Variants in TENM3 observed in about 807,000 individuals in gnomAD.
The protein encoded by TENM3 is teneurin-3.
A neutral mutation model predicts 255.1 loss-of-function variants in TENM3; 63 were observed. That is an observed-to-expected ratio of 0.25 (90% CI 0.20 to 0.30). The LOEUF (loss-of-function observed/expected upper bound fraction) is 0.30. Among genes scored for constraint, TENM3 ranks in the 10% least tolerant of loss-of-function variants. TENM3 has a pLI of 1.00. For missense variants in TENM3, 2,929 were observed against 3,461.1 expected (o/e 0.85, Z 3.86); for synonymous variants, 1,306 against 1,322.3 (o/e 0.99, Z 0.27).
At chr4:182,520,054 A>G (rs1238708006) in intron 3 of TENM3, among the ~76,000 whole-genome samples, 1 of 152,162 alleles carries the variant, frequency 6.6e-6, no homozygotes. Context: ...AGCAATTATT[A>G]ATAGGTATGT....
chr4:181,665,872 A>T, the TENM3 span, among the ~76,000 whole-genome samples: 2 of 152,240 alleles, frequency 1.3e-5, no homozygotes, highest in South Asian at 4.1e-4. Context: ...TAAAAATCTT[A>T]AAAATAGATA....
the TENM3 span, among the ~76,000 whole-genome samples, chr4:181,630,908 G>A: frequency 6.6e-6 from 1 of 152,046 alleles, no homozygotes; most frequent in African/African-American, 2.4e-5. Context: ...ATTTTCTATT[G>A]CTGCATAACA....
At chr4:181,884,072 A>C in the TENM3 span, among the ~76,000 whole-genome samples, 1 of 152,156 alleles carries the variant, frequency 6.6e-6, no homozygotes, top group Admixed American at 6.5e-5. Flanking sequence ...CTCATTATTT[A>C]CATGGAACTC....
chr4:181,504,673 C>T, the TENM3 span, among the ~76,000 whole-genome samples: 1 of 152,192 alleles, frequency 6.6e-6, no homozygotes, highest in Non-Finnish European at 1.5e-5. Flanking sequence ...AGGAACCAAA[C>T]TAGCTTGTAT....
the TENM3 span, among the ~76,000 whole-genome samples, chr4:181,813,814 G>C: frequency 1.3e-5 from 2 of 152,122 alleles, no homozygotes; most frequent in African/African-American, 4.8e-5. Context: ...AGGAGAAAAG[G>C]GAAGTAGTCA....
At chr4:181,731,396 C>T in the TENM3 span, among the ~76,000 whole-genome samples, 3,887 of 152,192 alleles carry the variant, frequency 0.026, 68 homozygotes, top group Non-Finnish European at 0.038. Flanking sequence ...CTTTGTCACC[C>T]GGGCTGGAGT....
chr4:181,941,491 T>C, the TENM3 span, among the ~76,000 whole-genome samples: 3 of 152,328 alleles, frequency 2.0e-5, no homozygotes, highest in East Asian at 1.9e-4. Context: ...TTTTCACTTA[T>C]AAGGTTCTAT....
At chr4:182,305,936 G>T (rs1327767903) in intron 1 of TENM3, among the ~76,000 whole-genome samples, 2 of 152,072 alleles carry the variant, frequency 1.3e-5, no homozygotes, top group Non-Finnish European at 2.9e-5. Flanking sequence ...CCTGAATCCT[G>T]CAGATCTGGC....
intron 1 of TENM3, among the ~76,000 whole-genome samples, chr4:182,181,480 C>G (rs746847282): frequency 7.2e-5 from 11 of 152,168 alleles, no homozygotes; most frequent in Non-Finnish European, 1.3e-4. Flanking sequence ...AACCAAACAC[C>G]TAATATGCTC....
intron 2 of TENM3, 74 bp from the exon 3 acceptor site, chr4:182,346,577 A>C: frequency 3.8e-6 from 1 of 264,292 alleles, no homozygotes; most frequent in African/African-American, 1.2e-4. Flanking sequence ...GACATTCTTA[A>C]AAAAAAAAAA....
the TENM3 span, among the ~76,000 whole-genome samples, chr4:181,598,726 A>T: frequency 6.6e-6 from 1 of 152,074 alleles, no homozygotes; most frequent in Non-Finnish European, 1.5e-5. Context: ...GAAATAGATT[A>T]CATCTTGTAA....
chr4:181,964,930 T>C, the TENM3 span, among the ~76,000 whole-genome samples: 20 of 152,282 alleles, frequency 1.3e-4, no homozygotes, highest in African/African-American at 4.6e-4. Context: ...GTGGTATCAG[T>C]ATTAGCCACG....
At chr4:181,857,005 T>G in the TENM3 span, among the ~76,000 whole-genome samples, 4 of 152,218 alleles carry the variant, frequency 2.6e-5, no homozygotes, top group Non-Finnish European at 5.9e-5. Context: ...CAAAGCAATT[T>G]CTGGGGCAAA....
At chr4:181,736,999 T>G in the TENM3 span, among the ~76,000 whole-genome samples, 1 of 151,642 alleles carries the variant, frequency 6.6e-6, no homozygotes, top group African/African-American at 2.4e-5. Context: ...TCTAATAGAG[T>G]CTCAGACCAC....
At chr4:182,633,456 C>T (rs916107584) in intron 5 of TENM3, among the ~76,000 whole-genome samples, 1 of 152,028 alleles carries the variant, frequency 6.6e-6, no homozygotes, top group Non-Finnish European at 1.5e-5. Context: ...AGAAGAAAGG[C>T]GATACCTACG....
chr4:182,098,112 G>A, the TENM3 span, among the ~76,000 whole-genome samples: 3 of 152,110 alleles, frequency 2.0e-5, no homozygotes, highest in Admixed American at 2.0e-4. Flanking sequence ...TCAGAGAAAT[G>A]CAAATCAAAA....
chr4:182,078,328 C>T, the TENM3 span, among the ~76,000 whole-genome samples: 1 of 152,078 alleles, frequency 6.6e-6, no homozygotes, highest in Non-Finnish European at 1.5e-5. Flanking sequence ...TCAAGACCAT[C>T]TTGGCCAACA....
the TENM3 span, among the ~76,000 whole-genome samples, chr4:182,066,563 T>G: frequency 7.1e-5 from 10 of 140,930 alleles, no homozygotes; most frequent in East Asian, 1.5e-3. Flanking sequence ...TTATTTATTT[T>G]TGCACAACTT....
chr4:181,476,205 G>GTTTTTT, the TENM3 span, among the ~76,000 whole-genome samples: 624 of 98,000 alleles, frequency 6.4e-3, 15 homozygotes, highest in African/African-American at 0.017. Context: ...ACATTTTAGG[G>GTTTTTT]GTTTTTTTTT....
Sources: allele counts gnomAD v4.1 joint callset (sites outside exome capture counted in the v4.1 genomes callset), GRCh38; gene constraint gnomAD v4.1.1; transcripts MANE v1.5; gene names NCBI Gene and HGNC (gene_info 2026-07-23, HGNC 2026-07-21).